FAM78B: variants seen among roughly 807,000 people sequenced by gnomAD.
FAM78B encodes family with sequence similarity 78 member B.
FAM78B carries 10 observed loss-of-function variants against 20.0 expected under a neutral mutation model. The observed-to-expected ratio is 0.50, with a 90% CI of 0.31 to 0.85. The LOEUF (loss-of-function observed/expected upper bound fraction) is 0.85, where lower values mean the gene tolerates loss of function less well. Among genes scored for constraint, FAM78B ranks in the 40% least tolerant of loss-of-function variants. The pLI, the probability that FAM78B is intolerant of heterozygous loss-of-function variation, is 0.05. For synonymous variants in FAM78B, 135 were observed against 132.8 expected (o/e 1.02, Z -0.12); for missense variants, 283 against 345.0 (o/e 0.82, Z 1.42).
At chr1:166,094,712 A>G (rs1653209971) in intron 1 of FAM78B, among the ~76,000 whole-genome samples, 1 of 152,244 alleles carries the variant, frequency 6.6e-6, no homozygotes, top group Non-Finnish European at 1.5e-5. Flanking sequence ...AAATGGTCAC[A>G]TATTCTGGAC....
chr1:166,060,503 G>A (rs779816645), exon 3 of FAM78B: 14 of 867,142 alleles, frequency 1.6e-5, no homozygotes, highest in South Asian at 1.1e-4. Context: ...GTCACGGGAC[G>A]GGAGGAAGGC....
At chr1:166,102,273 G>A (rs568509269) in intron 1 of FAM78B, among the ~76,000 whole-genome samples, 300 of 152,288 alleles carry the variant, frequency 2.0e-3, no homozygotes, top group South Asian at 7.0e-3. Context: ...TGTAAAGACC[G>A]TTGAGGCTAG....
chr1:166,089,945 C>T (rs1167010031), intron 1 of FAM78B, among the ~76,000 whole-genome samples: 1 of 152,204 alleles, frequency 6.6e-6, no homozygotes, highest in Non-Finnish European at 1.5e-5. Flanking sequence ...GACTCAGCTC[C>T]CACTGTCCCT....
downstream of FAM78B, among the ~76,000 whole-genome samples, chr1:166,068,519 G>GT (rs1310761400): frequency 6.6e-6 from 1 of 152,208 alleles, no homozygotes; most frequent in African/African-American, 2.4e-5. Context: ...TCTTATGTAA[G>GT]TAAGTACCAT....
intron 1 of FAM78B, among the ~76,000 whole-genome samples, chr1:166,085,459 T>C (rs769870141): frequency 6.6e-6 from 1 of 152,228 alleles, no homozygotes; most frequent in Non-Finnish European, 1.5e-5. Flanking sequence ...TTTATTCCCA[T>C]CTGATTTGGG....
At chr1:166,060,615 T>C (rs1174751082) in exon 3 of FAM78B, 1 of 1,289,190 alleles carries the variant, frequency 7.8e-7, no homozygotes, top group Admixed American at 2.3e-5. Flanking sequence ...CTTCTCAGTC[T>C]CTGCCATGTG....
intron 1 of FAM78B, among the ~76,000 whole-genome samples, chr1:166,077,692 TTATA>T (rs1322655632): frequency 4.6e-4 from 65 of 140,334 alleles, no homozygotes; most frequent in African/African-American, 1.1e-3. Flanking sequence ...TATATATAAA[TTATA>T]TATAATAAAT....
rs1471654369 is a variant in FAM78B at position 166,070,117 on chromosome 1, C to T, written c.*124G>A. ...CAGCCCTACTCTTCAAAAGTGGCTG[C>T]AAAGGCTGGCAAACCGAGAGGTCTG... On this transcript the variant is annotated 3_prime_UTR_variant, in exon 2 of 2. Coordinates refer to ENST00000354422, the MANE Select transcript of FAM78B (RefSeq NM_001017961.5). The T allele has an allele frequency of 6.4e-6, 9 of 1,398,074 alleles. No individual in the cohort carries two copies. The highest frequency in any genetic ancestry group is 7.5e-6 in the Non-Finnish European group (8 of 1,071,096). The allele number at this position is 1,398,074 out of a possible 1,614,324, so 86.6% of individuals were successfully genotyped here. A position where few individuals can be genotyped will look rare whatever the true frequency, so the allele number is the denominator to read the frequency against.
downstream of FAM78B, among the ~76,000 whole-genome samples, chr1:166,065,110 A>G (rs184746072): frequency 2.0e-5 from 3 of 152,340 alleles, no homozygotes; most frequent in Admixed American, 2.0e-4. Flanking sequence ...CCAGAGATCA[A>G]TTAGGGCACT....
chr1:166,069,123 A>T (rs1276862876), downstream of FAM78B, among the ~76,000 whole-genome samples: 1 of 152,224 alleles, frequency 6.6e-6, no homozygotes, highest in Non-Finnish European at 1.5e-5. Flanking sequence ...AATATATATA[A>T]AAATATACAG....
chr1:166,097,666 T>C (rs902325472), intron 1 of FAM78B, among the ~76,000 whole-genome samples: 1 of 152,126 alleles, frequency 6.6e-6, no homozygotes, highest in African/African-American at 2.4e-5. Flanking sequence ...ATAATCCTCC[T>C]AGGTATACAA....
At position 166,159,956 on chromosome 1, in the gene FAM78B, G is replaced by A. The variant is rs528609184; in HGVS notation, c.263+6030C>T. Among the ~76,000 whole-genome samples, 4 of 152,338 alleles carry A rather than the reference G, an allele frequency of 2.6e-5. No individual in the cohort carries two copies. In the East Asian group the frequency reaches 7.7e-4, roughly 29 times the overall value. ...AAGGGCACTCAGGACTTTAATAAAGGAACTGGATCCTGCTTTCCCATCTGA... is the reference window on the plus strand; with the variant it reads ...AAGGGCACTCAGGACTTTAATAAAGAAACTGGATCCTGCTTTCCCATCTGA... On this transcript the variant is annotated intron_variant, in intron 1 of 1. Transcript: ENST00000354422.
chr1:166,162,685 G>C (rs1249126676), intron 1 of FAM78B, among the ~76,000 whole-genome samples: 1 of 152,092 alleles, frequency 6.6e-6, no homozygotes, highest in East Asian at 1.9e-4. Context: ...GACATCCTCT[G>C]TCTGGTCAAG....
chr1:166,137,992 G>C (rs1655134558), intron 1 of FAM78B, among the ~76,000 whole-genome samples: 1 of 152,152 alleles, frequency 6.6e-6, no homozygotes, highest in Non-Finnish European at 1.5e-5. Context: ...AAAAAATACT[G>C]GCAGGGCAGG....
At chr1:166,089,178 C>T (rs373360519) in intron 1 of FAM78B, among the ~76,000 whole-genome samples, 4 of 152,228 alleles carry the variant, frequency 2.6e-5, no homozygotes, top group African/African-American at 4.8e-5. Context: ...CCTCCTCCCA[C>T]GCTGAACGAA....
At chr1:166,109,307 A>C (rs1384672837) in intron 1 of FAM78B, among the ~76,000 whole-genome samples, 1 of 152,096 alleles carries the variant, frequency 6.6e-6, no homozygotes, top group Non-Finnish European at 1.5e-5. Flanking sequence ...CAAACAAATC[A>C]GTAAGAAAAA....
intron 1 of FAM78B, among the ~76,000 whole-genome samples, chr1:166,114,348 T>C (rs188276807): frequency 2.6e-5 from 4 of 152,390 alleles, no homozygotes; most frequent in African/African-American, 9.6e-5. Context: ...TGAAGCCGAC[T>C]GGTTCATTCA....
chr1:166,139,283 T>A (rs184388675), intron 1 of FAM78B, among the ~76,000 whole-genome samples: 6 of 152,308 alleles, frequency 3.9e-5, no homozygotes, highest in African/African-American at 1.4e-4. Flanking sequence ...ATCTTGATGC[T>A]GTCCCTATCA....
Position 166,113,810 on chromosome 1 carries a change from G to A in FAM78B, c.264-43047C>T, listed in dbSNP as rs957279968. ...ATAGGAGATGGGCCAGTGTGCAGAT[G>A]GGTGTACCTCTGAGACCAACAGGCC... On this transcript the variant is annotated intron_variant, in intron 1 of 1. Coordinates refer to ENST00000354422, the MANE Select transcript of FAM78B (RefSeq NM_001017961.5). Among the ~76,000 whole-genome samples, 36 of 152,200 alleles carry A rather than the reference G, an allele frequency of 2.4e-4. 3 individuals are homozygous for A. The highest frequency in any genetic ancestry group is 4.4e-5 in the Non-Finnish European group (3 of 68,036).
Sources: allele counts gnomAD v4.1 joint callset (sites outside exome capture counted in the v4.1 genomes callset), GRCh38; gene constraint gnomAD v4.1.1; transcripts MANE v1.5; gene names NCBI Gene and HGNC (gene_info 2026-07-23, HGNC 2026-07-21).